The following P2RY6 variants were observed in gnomAD, a reference collection of about 807,000 sequenced individuals.
P2RY6 encodes pyrimidinergic receptor P2Y6.
Under a neutral mutation model 16.3 loss-of-function variants are expected in P2RY6, and 19 were observed. The ratio of observed to expected loss-of-function variants is 1.16; its 90% CI spans 0.81 to 1.71. P2RY6 has a LOEUF of 1.71. Ranked by LOEUF, P2RY6 falls within the 40% of genes most tolerant of loss-of-function variation. P2RY6 has a pLI of 0.00. For missense variants in P2RY6, 389 were observed against 455.5 expected (o/e 0.85, Z 1.33); for synonymous variants, 184 against 201.5 (o/e 0.91, Z 0.74).
upstream of P2RY6, chr11:73,272,181 G>C (rs754357353): frequency 5.6e-6 from 1 of 177,884 alleles, no homozygotes; most frequent in Non-Finnish European, 1.1e-5. Flanking sequence ...AGTGACTTGC[G>C]GGCAGCTGGG....
intron 1 of P2RY6, among the ~76,000 whole-genome samples, chr11:73,287,627 G>A (rs1474843323): frequency 6.6e-6 from 1 of 152,228 alleles, no homozygotes; most frequent in African/African-American, 2.4e-5. Flanking sequence ...CTGGGAGGAT[G>A]GGCGGATCCT....
intron 1 of P2RY6, among the ~76,000 whole-genome samples, chr11:73,290,659 T>C (rs1864205701): frequency 2.0e-5 from 3 of 152,270 alleles, no homozygotes. Context: ...CGATGCCCTC[T>C]TCAGCCTTGT....
chr11:73,291,060 A>G (rs939349385), intron 1 of P2RY6, among the ~76,000 whole-genome samples: 1 of 152,148 alleles, frequency 6.6e-6, no homozygotes, highest in Non-Finnish European at 1.5e-5. Flanking sequence ...CCCTGAGAAG[A>G]GGGTGAGGAA....
At chr11:73,271,418 C>T (rs1371016375), upstream of P2RY6, 1 of 152,228 alleles carries the variant, frequency 6.6e-6, no homozygotes, top group Non-Finnish European at 1.5e-5. Context: ...TCGTCAGGTG[C>T]TCAACTTCTG....
chr11:73,274,202 G>A (rs1190709917), intron 1 of P2RY6, among the ~76,000 whole-genome samples: 2 of 152,230 alleles, frequency 1.3e-5, no homozygotes, highest in South Asian at 2.1e-4. Flanking sequence ...ACCAACTAGC[G>A]GCAGTGCTAG....
upstream of P2RY6, among the ~76,000 whole-genome samples, chr11:73,268,186 AG>A: frequency 1.3e-5 from 2 of 152,174 alleles, no homozygotes; most frequent in Admixed American, 1.3e-4. Flanking sequence ...TTGCACCCAC[AG>A]GCATGTGCTC....
intron 1 of P2RY6, among the ~76,000 whole-genome samples, chr11:73,288,580 C>G (rs563035222): frequency 6.6e-6 from 1 of 152,372 alleles, no homozygotes; most frequent in East Asian, 1.9e-4. Context: ...CCTCTGTCTT[C>G]TGGGTGCCAG....
At chr11:73,285,683 C>T (rs1168682069) in intron 1 of P2RY6, among the ~76,000 whole-genome samples, 1 of 152,154 alleles carries the variant, frequency 6.6e-6, no homozygotes. Context: ...AGAGACTATG[C>T]CCCCCTTACA....
At chr11:73,274,430 G>A (rs752973001) in intron 1 of P2RY6, among the ~76,000 whole-genome samples, 10 of 151,960 alleles carry the variant, frequency 6.6e-5, no homozygotes, top group East Asian at 1.9e-4. Context: ...AAAAATGAAA[G>A]CATCAGGAGG....
rs1864083256 is a variant in P2RY6 at position 73,289,081 on chromosome 11, A to G, written c.-120-6649A>G. Among the ~76,000 whole-genome samples, 3 of 152,186 alleles carry G rather than the reference A, an allele frequency of 2.0e-5. No homozygotes were observed. In the South Asian group the frequency reaches 6.2e-4, roughly 32 times the overall value. On this transcript the variant is annotated intron_variant, in intron 1 of 2. Transcript: ENST00000540124. ...ACAGGTCCCCTCATCCATGCTAGAT[A>G]TGAAGGCCTCAGGGGATTGGGGAGG...
intron 2 of P2RY6, 148 bp downstream of exon 2, chr11:73,295,963 C>T (rs368370320): frequency 6.1e-6 from 1 of 165,036 alleles, no homozygotes; most frequent in Non-Finnish European, 1.3e-5. Flanking sequence ...TCCACCATGA[C>T]CAGAGTCTCC....
At chr11:73,270,245 A>G (rs1187490797), upstream of P2RY6, 1 of 152,296 alleles carries the variant, frequency 6.6e-6, no homozygotes, top group Non-Finnish European at 1.5e-5. Flanking sequence ...GTCACACAGC[A>G]AGCTGAGGCA....
chr11:73,291,068 G>C (rs754823186), intron 1 of P2RY6, among the ~76,000 whole-genome samples: 4 of 152,230 alleles, frequency 2.6e-5, no homozygotes, highest in Non-Finnish European at 4.4e-5. Flanking sequence ...AGAGGGTGAG[G>C]AAGGGGCAGC....
intron 1 of P2RY6, among the ~76,000 whole-genome samples, chr11:73,265,079 G>A (rs1456769242): frequency 2.0e-5 from 3 of 152,356 alleles, no homozygotes; most frequent in East Asian, 1.9e-4. Context: ...CTGGGTGTGC[G>A]TTGTGTGAAT....
Position 73,297,696 on chromosome 11 carries a change from T to C in P2RY6, c.*191T>C. 1.6e-6 allele frequency: 1 copy of C among 614,144 alleles called. No homozygotes were observed. The highest frequency in any genetic ancestry group is 2.9e-6 in the Non-Finnish European group (1 of 339,180). The allele number at this position is 614,144 out of a possible 1,614,324, so 38.0% of individuals were successfully genotyped here. A position where few individuals can be genotyped will look rare whatever the true frequency, so the allele number is the denominator to read the frequency against. On this transcript the variant is annotated 3_prime_UTR_variant, in exon 3 of 3. Transcript: ENST00000540124. The stretch of plus-strand genomic sequence containing the variant: ...TTCTCTGGCCCAGACCCTGTGGGCA[T>C]GGAGATGGACAGACCTGGGCCTGGC...
At chr11:73,264,525 C>T (rs886307026) in exon 1 of P2RY6, 3 of 152,370 alleles carry the variant, frequency 2.0e-5, no homozygotes, top group Non-Finnish European at 4.4e-5. Flanking sequence ...CCTCTGGGTT[C>T]CAGGGACGCT....
At chr11:73,284,032 C>T (rs974669166) in intron 1 of P2RY6, among the ~76,000 whole-genome samples, 1 of 152,066 alleles carries the variant, frequency 6.6e-6, no homozygotes, top group Non-Finnish European at 1.5e-5. Flanking sequence ...CTGAAGGCAG[C>T]CCCTCTGAAA....
At chr11:73,273,556 C>A (rs976802299) in intron 1 of P2RY6, among the ~76,000 whole-genome samples, 1 of 152,084 alleles carries the variant, frequency 6.6e-6, no homozygotes, top group African/African-American at 2.4e-5. Flanking sequence ...TTCTTACAAT[C>A]TTTTTTTGCA....
chr11:73,290,873 G>A (rs1413481100), intron 1 of P2RY6, among the ~76,000 whole-genome samples: 8 of 152,236 alleles, frequency 5.3e-5, no homozygotes, highest in East Asian at 1.9e-4. Flanking sequence ...CCTTGGCTCC[G>A]ATTCAGTCAT....
Sources: allele counts gnomAD v4.1 joint callset (sites outside exome capture counted in the v4.1 genomes callset), GRCh38; gene constraint gnomAD v4.1.1; transcripts MANE v1.5; gene names NCBI Gene and HGNC (gene_info 2026-07-23, HGNC 2026-07-21).